The following HSPA2 variants were observed in gnomAD, a reference collection of about 807,000 sequenced individuals.
HSPA2 encodes heat shock protein family A (Hsp70) member 2.
Under a neutral mutation model 35.0 loss-of-function variants are expected in HSPA2, and 13 were observed. The ratio of observed to expected loss-of-function variants is 0.37; its 90% confidence interval spans 0.24 to 0.59. The LOEUF (loss-of-function observed/expected upper bound fraction) is 0.59, where lower values mean the gene tolerates loss of function less well. Ranked by LOEUF, HSPA2 falls within the 20% of genes least tolerant of loss-of-function variation. The pLI is 0.70. For missense variants in HSPA2, 565 were observed against 885.4 expected (o/e 0.64, Z 4.59); for synonymous variants, 368 against 382.1 (o/e 0.96, Z 0.43).
At position 64,542,035 on chromosome 14, in the gene HSPA2, CT is replaced by C. The variant is rs1244840918; in HGVS notation, c.1187del (p.Leu396HisfsTer4). 6.2e-7 allele frequency: 1 copy of C among 1,613,706 alleles called. No homozygotes were observed. Among genetic ancestry groups the C allele is most frequent in the South Asian group, 1.1e-5 (1 of 91,080 alleles). On this transcript the variant is annotated frameshift_variant, in exon 1 of 1. Transcript: ENST00000247207. LOFTEE classifies it high-confidence loss of function. The surrounding 1 kb of genome is among the most constrained non-coding windows in gnomAD (Gnocchi z 5.7). ...ATCAGAGAATGTGCAGGACCTGCTG[CT>C]ACTCGACGTGACCCCGTTGTCGCTG... ...DKSENVQDLLLLDVTPLSLGI... is the reference protein window; with the variant it reads ...DKSENVQDLLXLDVTPLSLGI...
At chr14:64,540,598 C>A (rs1205161270), upstream of HSPA2, 1 of 565,090 alleles carries the variant, frequency 1.8e-6, no homozygotes, top group African/African-American at 1.9e-5. Flanking sequence ...AACTTGAAAT[C>A]TGTTGGGTCA....
At position 64,542,878 on chromosome 14, in the gene HSPA2, T is replaced by G; in HGVS notation, c.*109T>G. ...CAAGTACGAGATCTATTGTTGGAAG[T>G]CTTTGGTATATGCAAATGAAAGGAG... is the stretch of plus-strand genomic sequence containing the variant. On this transcript the variant is annotated 3_prime_UTR_variant, in exon 1 of 1. Coordinates refer to ENST00000247207, the MANE Select transcript of HSPA2 (RefSeq NM_021979.4). The surrounding 1 kb of genome is among the most constrained non-coding windows in gnomAD (Gnocchi z 5.7). 6.9e-7 allele frequency: 1 copy of G among 1,442,828 alleles called. No homozygotes were observed. Among genetic ancestry groups the G allele is most frequent in the Non-Finnish European group, 9.2e-7 (1 of 1,090,644 alleles). The allele number at this position is 1,442,828 out of a possible 1,614,324, so 89.4% of individuals were successfully genotyped here.
chr14:64,542,871 T>C lies in HSPA2; in HGVS notation c.*102T>C, dbSNP rs972974297. On this transcript the variant is annotated 3_prime_UTR_variant, in exon 1 of 1. Coordinates refer to ENST00000247207, the MANE Select transcript of HSPA2 (RefSeq NM_021979.4). The surrounding 1 kb of genome is among the most constrained non-coding windows in gnomAD (Gnocchi z 5.7). ...CTTGTGCCAAGTACGAGATCTATTG[T>C]TGGAAGTCTTTGGTATATGCAAATG... The C allele has an allele frequency of 3.2e-5, 47 of 1,448,908 alleles. No homozygotes were observed. Among genetic ancestry groups the C allele is most frequent in the Non-Finnish European group, 4.1e-5 (45 of 1,094,864 alleles). 89.8% of individuals were successfully genotyped at this position (1,448,908 alleles called of 1,614,324 possible). A position where few individuals can be genotyped will look rare whatever the true frequency, so the allele number is the denominator to read the frequency against.
At chr14:64,540,118 C>A (rs751463152), upstream of HSPA2, among the ~76,000 whole-genome samples, 1 of 152,168 alleles carries the variant, frequency 6.6e-6, no homozygotes, top group African/African-American at 2.4e-5. Flanking sequence ...CCTCACCCCC[C>A]ACCCCAGCCA....
In HSPA2 at chr14:64,541,728, C is replaced by T. The variant is rs1367163666; in HGVS notation, c.879C>T (p.Gly293=). ...ASIEIDSLYE[G]VDFYTSITRA... ...TCGAGATCGACTCGCTCTACGAGGGCGTGGACTTCTATACGTCCATCACGC... is the reference window on the plus strand; with the variant it reads ...TCGAGATCGACTCGCTCTACGAGGGTGTGGACTTCTATACGTCCATCACGC... Residue 293 remains glycine (G), a synonymous_variant, in exon 1 of 1, where the codon GGC becomes GGT. Transcript: ENST00000247207. 15 of 1,611,756 alleles carry T rather than the reference C, an allele frequency of 9.3e-6. No individual in the cohort carries two copies. Among genetic ancestry groups the T allele is most frequent in the Non-Finnish European group, 1.3e-5 (15 of 1,179,494 alleles).
In HSPA2 at chr14:64,542,795, T is replaced by C; in HGVS notation, c.*26T>C. On this transcript the variant is annotated 3_prime_UTR_variant, in exon 1 of 1. Coordinates refer to ENST00000247207, the MANE Select transcript of HSPA2 (RefSeq NM_021979.4). This position sits in a 1 kb window ranked among gnomAD's most constrained non-coding sequence, Gnocchi z 5.7. ...GCTTGCACTCAAGTCAGCGTAAACC[T>C]CTTTGCCTTTCTCTCTCTCTCTTTT... 6.5e-7 allele frequency: 1 copy of C among 1,534,158 alleles called. No homozygotes were observed.
At position 64,542,961 on chromosome 14, in the gene HSPA2, A is replaced by G. The variant is rs2080044954; in HGVS notation, c.*192A>G. The stretch of plus-strand genomic sequence containing the variant: ...CCAAAGTTTGTTTTTTAAAAACATT[A>G]TTCGAGGTTTCTCTTTAATGCATTT... On this transcript the variant is annotated 3_prime_UTR_variant, in exon 1 of 1. Transcript: ENST00000247207. The surrounding 1 kb of genome is among the most constrained non-coding windows in gnomAD (Gnocchi z 5.7). 1 of 991,214 alleles carries G rather than the reference A, an allele frequency of 1.0e-6. No individual in the cohort carries two copies. The highest frequency in any genetic ancestry group is 1.6e-5 in the African/African-American group (1 of 60,866). The allele number at this position is 991,214 out of a possible 1,614,324, so 61.4% of individuals were successfully genotyped here.
chr14:64,542,806 C>T lies in HSPA2; in HGVS notation c.*37C>T. The T allele has an allele frequency of 6.8e-7, 1 of 1,464,912 alleles. No individual in the cohort carries two copies. The allele number at this position is 1,464,912 out of a possible 1,614,324, so 90.7% of individuals were successfully genotyped here. ...AGTCAGCGTAAACCTCTTTGCCTTTCTCTCTCTCTCTTTTTTTTTGTTTGT... is the reference window on the plus strand; with the variant it reads ...AGTCAGCGTAAACCTCTTTGCCTTTTTCTCTCTCTCTTTTTTTTTGTTTGT... On this transcript the variant is annotated 3_prime_UTR_variant, in exon 1 of 1. Transcript: ENST00000247207. This position sits in a 1 kb window ranked among gnomAD's most constrained non-coding sequence, Gnocchi z 5.7.
At chr14:64,539,193 A>G (rs1416233726), upstream of HSPA2, among the ~76,000 whole-genome samples, 1 of 151,904 alleles carries the variant, frequency 6.6e-6, no homozygotes, top group African/African-American at 2.4e-5. Context: ...TTCCTGTTAA[A>G]CAGGAGGAAG....
chr14:64,541,539 C>G lies in HSPA2; in HGVS notation c.690C>G (p.His230Gln). 1 of 1,613,398 alleles carries G rather than the reference C, an allele frequency of 6.2e-7. No homozygotes were observed. Among genetic ancestry groups the G allele is most frequent in the Non-Finnish European group, 8.5e-7 (1 of 1,179,962 alleles). Residue 230 changes from histidine to glutamine, a missense_variant, in exon 1 of 1, where the codon CAC becomes CAG. Coordinates refer to ENST00000247207, the MANE Select transcript of HSPA2 (RefSeq NM_021979.4). ...TGAAGTCCACGGCCGGCGACACCCA[C>G]CTGGGCGGTGAGGACTTCGACAACC... is the stretch of plus-strand genomic sequence containing the variant. ...FEVKSTAGDTHLGGEDFDNRM... is the reference protein window; with the variant it reads ...FEVKSTAGDTQLGGEDFDNRM...
chr14:64,540,677 A>T, upstream of HSPA2: 1 of 976,304 alleles, frequency 1.0e-6, no homozygotes, highest in Non-Finnish European at 1.5e-6. Flanking sequence ...CGGTCCCGGG[A>T]GCGGATTGGG....
At chr14:64,538,795 A>G (rs555528429), upstream of HSPA2, among the ~76,000 whole-genome samples, 19 of 152,300 alleles carry the variant, frequency 1.2e-4, no homozygotes, top group Non-Finnish European at 8.8e-5. Context: ...CTCCCCACAC[A>G]TATTATGTAA....
Position 64,542,867 on chromosome 14 carries a change from A to G in HSPA2, c.*98A>G, listed in dbSNP as rs536726538. The G allele has an allele frequency of 8.2e-6, 12 of 1,459,330 alleles. No homozygotes were observed. The highest frequency in any genetic ancestry group is 2.5e-5 in the East Asian group (1 of 40,256). 90.4% of individuals were successfully genotyped at this position (1,459,330 alleles called of 1,614,324 possible). ...TGTCCTTGTGCCAAGTACGAGATCT[A>G]TTGTTGGAAGTCTTTGGTATATGCA... On this transcript the variant is annotated 3_prime_UTR_variant, in exon 1 of 1. Transcript: ENST00000247207. This position sits in a 1 kb window ranked among gnomAD's most constrained non-coding sequence, Gnocchi z 5.7.
chr14:64,537,245 A>T (rs962181352), upstream of HSPA2, among the ~76,000 whole-genome samples: 2 of 152,160 alleles, frequency 1.3e-5, no homozygotes, highest in Non-Finnish European at 2.9e-5. Context: ...CTAAAAAAAC[A>T]AAGAAAAGAA....
upstream of HSPA2, among the ~76,000 whole-genome samples, chr14:64,536,527 G>C (rs2079981514): frequency 6.6e-6 from 1 of 152,182 alleles, no homozygotes; most frequent in Non-Finnish European, 1.5e-5. Flanking sequence ...TTGGGAGGCT[G>C]AGACTGGTGG....
rs1433999761 is a variant in HSPA2 at position 64,542,613 on chromosome 14, G to C, written c.1764G>C (p.Gln588His). Residue 588 changes from glutamine to histidine, a missense_variant, in exon 1 of 1, where the codon CAG becomes CAC. Coordinates refer to ENST00000247207, the MANE Select transcript of HSPA2 (RefSeq NM_021979.4). This position sits in a 1 kb window ranked among gnomAD's most constrained non-coding sequence, Gnocchi z 5.7. Reference protein sequence around the residue: ...QEVINWLDRNQMAEKDEYEHK... With the variant: ...QEVINWLDRNHMAEKDEYEHK... ...TGATCAACTGGCTCGACCGAAACCAGATGGCAGAGAAAGATGAGTATGAAC... is the reference window on the plus strand; with the variant it reads ...TGATCAACTGGCTCGACCGAAACCACATGGCAGAGAAAGATGAGTATGAAC... The C allele has an allele frequency of 6.2e-7, 1 of 1,613,918 alleles. No individual in the cohort carries two copies. Among genetic ancestry groups the C allele is most frequent in the Non-Finnish European group, 8.5e-7 (1 of 1,180,016 alleles).
upstream of HSPA2, among the ~76,000 whole-genome samples, chr14:64,536,803 C>T (rs570134710): frequency 6.6e-6 from 1 of 152,174 alleles, no homozygotes; most frequent in South Asian, 2.1e-4. Context: ...TTGGGAAAAG[C>T]TTAGGATGCC....
chr14:64,536,548 C>G (rs1019533602), upstream of HSPA2, among the ~76,000 whole-genome samples: 2 of 152,074 alleles, frequency 1.3e-5, no homozygotes, highest in African/African-American at 2.4e-5. Context: ...AGAGCTTGAG[C>G]TAAGGAGTTC....
At chr14:64,536,469 A>T (rs1596710823), upstream of HSPA2, among the ~76,000 whole-genome samples, 1 of 152,226 alleles carries the variant, frequency 6.6e-6, no homozygotes, top group East Asian at 1.9e-4. Flanking sequence ...TAATGTAAAG[A>T]AAAAATATTG....
Sources: gnomAD v4.1 joint callset for allele counts (sites outside exome capture counted in the v4.1 genomes callset) on GRCh38, gnomAD v4.1.1 for gene constraint, Gnocchi (gnomAD v3.1) non-coding constraint, MANE v1.5 for transcripts, NCBI Gene and HGNC (gene_info 2026-07-23, HGNC 2026-07-21) for gene names.